Variants in MPPED2 observed in about 807,000 individuals in gnomAD.
MPPED2 encodes the protein metallophosphoesterase domain containing 2, also known as metallophosphoesterase MPPED2.
Under a neutral mutation model 33.0 loss-of-function variants are expected in MPPED2, and 5 were observed. The ratio of observed to expected loss-of-function variants is 0.15; its 90% CI spans 0.08 to 0.32. The LOEUF (loss-of-function observed/expected upper bound fraction) is 0.32, where lower values mean the gene tolerates loss of function less well. MPPED2 is among the 10% of genes least tolerant of loss of function. The pLI, the probability that MPPED2 is intolerant of heterozygous loss-of-function variation, is 1.00. For missense variants in MPPED2, 275 were observed against 372.1 expected (o/e 0.74, Z 2.15); for synonymous variants, 136 against 141.9 (o/e 0.96, Z 0.29).
chr11:30,425,429 A>G (rs926747820), intron 4 of MPPED2: 8 of 152,184 alleles, frequency 5.3e-5, no homozygotes, highest in Non-Finnish European at 1.2e-4. Flanking sequence ...ATAATCTTAT[A>G]GTGTCCGCCC....
At chr11:30,580,141 T>C (rs1957098888) in intron 2 of MPPED2, 105 bp downstream of exon 2, 6 of 1,134,832 alleles carry the variant, frequency 5.3e-6, no homozygotes, top group Non-Finnish European at 7.6e-6. Context: ...TTGTAAATCA[T>C]TTACCTTTTA....
chr11:30,570,414 T>C lies in MPPED2; in HGVS notation c.128+9832A>G, dbSNP rs147746441. ...TGGAGGGGTACAAATATTCAAACCATAGCACTATCCAAGCAGAACCAGTAC... is the reference window on the plus strand; with the variant it reads ...TGGAGGGGTACAAATATTCAAACCACAGCACTATCCAAGCAGAACCAGTAC... On this transcript the variant is annotated intron_variant, in intron 2 of 6. Transcript: ENST00000358117. Among the ~76,000 whole-genome samples the C allele has an allele frequency of 2.8e-3, 428 of 152,130 alleles. 2 individuals are homozygous for C. The highest frequency in any genetic ancestry group is 4.9e-3 in the Non-Finnish European group (332 of 67,998).
At chr11:30,468,503 T>C (rs1950815619) in intron 4 of MPPED2, among the ~76,000 whole-genome samples, 8 of 151,776 alleles carry the variant, frequency 5.3e-5, no homozygotes, top group Admixed American at 4.6e-4. Flanking sequence ...GAATATAAAA[T>C]GGCATTAAGG....
chr11:30,409,099 T>C (rs931617491), downstream of MPPED2, among the ~76,000 whole-genome samples: 15 of 152,204 alleles, frequency 9.9e-5, no homozygotes, highest in Non-Finnish European at 1.6e-4. Flanking sequence ...CTCAATTAGT[T>C]TGTGCCCAGA....
At chr11:30,418,004 T>C (rs1948451692) in intron 4 of MPPED2, among the ~76,000 whole-genome samples, 1 of 152,132 alleles carries the variant, frequency 6.6e-6, no homozygotes, top group Non-Finnish European at 1.5e-5. Context: ...TAAGAAATTC[T>C]GCAGTACTCC....
At chr11:30,451,309 ATGTCACAAAGC>A (rs1443732964) in intron 4 of MPPED2, among the ~76,000 whole-genome samples, 8 of 152,104 alleles carry the variant, frequency 5.3e-5, no homozygotes, top group African/African-American at 1.9e-4. Context: ...CGAGGATTAG[ATGTCACAAAGC>A]TTAGGCCCCT....
chr11:30,566,245 A>G (rs1266442548), intron 2 of MPPED2, among the ~76,000 whole-genome samples: 1 of 152,184 alleles, frequency 6.6e-6, no homozygotes, highest in African/African-American at 2.4e-5. Context: ...AATATGATCA[A>G]TAAGTGAGCA....
At chr11:30,407,065 C>T (rs1425344700), downstream of MPPED2, among the ~76,000 whole-genome samples, 1 of 152,178 alleles carries the variant, frequency 6.6e-6, no homozygotes, top group African/African-American at 2.4e-5. Context: ...AATCCCAAAT[C>T]CTCCCAGCTT....
At chr11:30,465,283 T>G (rs1950660704) in intron 4 of MPPED2, among the ~76,000 whole-genome samples, 1 of 152,010 alleles carries the variant, frequency 6.6e-6, no homozygotes, top group Admixed American at 6.5e-5. Flanking sequence ...ACTTGTTTGG[T>G]TTTTGTGTGT....
rs199611856 is a variant in MPPED2 at position 30,583,134 on chromosome 11, C to CTTTTTTT, written c.-121-2647_-121-2641dup. ...CACAAACACCTGGAAAAGACTTTTT[C>CTTTTTTT]TTTTTTTTTTTTTTTTTTTTTTTTT... is the stretch of plus-strand genomic sequence containing the variant. On this transcript the variant is annotated intron_variant, in intron 1 of 6. Coordinates refer to ENST00000358117, the MANE Select transcript of MPPED2 (RefSeq NM_001584.3). Among the ~76,000 whole-genome samples the CTTTTTTT allele has an allele frequency of 3.6e-3, 349 of 96,634 alleles. 11 individuals are homozygous for CTTTTTTT. The highest frequency in any genetic ancestry group is 6.0e-3 in the Middle Eastern group (1 of 168). 63.4% of individuals were successfully genotyped at this position (96,634 alleles called of 152,430 possible). A position where few individuals can be genotyped will look rare whatever the true frequency, so the allele number is the denominator to read the frequency against.
chr11:30,412,635 G>A (rs979125884), intron 6 of MPPED2, among the ~76,000 whole-genome samples: 9 of 152,168 alleles, frequency 5.9e-5, no homozygotes, highest in Non-Finnish European at 1.2e-4. Context: ...TAAAATCTGC[G>A]CTGTTTAGTT....
intron 4 of MPPED2, among the ~76,000 whole-genome samples, chr11:30,454,091 G>T (rs1188629700): frequency 6.6e-6 from 1 of 152,154 alleles, no homozygotes; most frequent in Non-Finnish European, 1.5e-5. Context: ...TCATTTAAAA[G>T]GGAGGGGGCT....
chr11:30,446,821 G>C (rs1949831860), intron 4 of MPPED2, among the ~76,000 whole-genome samples: 1 of 152,136 alleles, frequency 6.6e-6, no homozygotes, highest in African/African-American at 2.4e-5. Context: ...CCGACGCCAA[G>C]TCCCAGTCTA....
intron 4 of MPPED2, among the ~76,000 whole-genome samples, chr11:30,448,130 G>T (rs991158872): frequency 6.6e-6 from 1 of 152,132 alleles, no homozygotes; most frequent in Non-Finnish European, 1.5e-5. Flanking sequence ...ATCATTTCTT[G>T]GGGGAGAATG....
chr11:30,561,692 T>C (rs1376609299), intron 2 of MPPED2, among the ~76,000 whole-genome samples: 1 of 152,156 alleles, frequency 6.6e-6, no homozygotes, highest in African/African-American at 2.4e-5. Flanking sequence ...TTTAATGTGA[T>C]ACCTTACACC....
chr11:30,586,021 T>G lies in MPPED2; in HGVS notation c.-122+21A>C, dbSNP rs2134985836. The G allele has an allele frequency of 6.6e-6, 1 of 152,038 alleles. No individual in the cohort carries two copies. The highest frequency in any genetic ancestry group is 6.5e-5 in the Admixed American group (1 of 15,300). The allele number at this position is 152,038 out of a possible 1,614,324, so 9.4% of individuals were successfully genotyped here. ...TCCTCCCCCTCCCCCGCCCTCCGCC[T>G]CCCTTCCCGGGGCGGATTACCTTTC... On this transcript the variant is annotated intron_variant, in intron 1 of 6. Coordinates refer to ENST00000358117, the MANE Select transcript of MPPED2 (RefSeq NM_001584.3). This position sits in a 1 kb window ranked among gnomAD's most constrained non-coding sequence, Gnocchi z 4.8.
chr11:30,415,700 A>G (rs1416552374), intron 5 of MPPED2, among the ~76,000 whole-genome samples: 2 of 152,160 alleles, frequency 1.3e-5, no homozygotes, highest in African/African-American at 4.8e-5. Context: ...CACCTTTACC[A>G]TAAAGAGAGG....
chr11:30,553,853 G>C (rs1394357458), intron 2 of MPPED2, among the ~76,000 whole-genome samples: 1 of 152,130 alleles, frequency 6.6e-6, no homozygotes, highest in African/African-American at 2.4e-5. Flanking sequence ...TTGTCAACAA[G>C]AAGAAAAGCC....
chr11:30,390,427 T>C (rs995001648), intron 6 of MPPED2, among the ~76,000 whole-genome samples: 1 of 152,256 alleles, frequency 6.6e-6, no homozygotes, highest in Non-Finnish European at 1.5e-5. Flanking sequence ...GACAGCCTAA[T>C]AGTCTGGGTA....
Sources: gnomAD v4.1 joint callset for allele counts (sites outside exome capture counted in the v4.1 genomes callset) on GRCh38, gnomAD v4.1.1 for gene constraint, Gnocchi (gnomAD v3.1) non-coding constraint, MANE v1.5 for transcripts, NCBI Gene and HGNC (gene_info 2026-07-23, HGNC 2026-07-21) for gene names.